The following SEPHS1 variants were observed in gnomAD, a reference collection of about 807,000 sequenced individuals.
SEPHS1 encodes zincore component SEPHS1.
Under a neutral mutation model 39.2 loss-of-function variants are expected in SEPHS1, and 7 were observed. The observed-to-expected ratio is 0.18, with a 90% confidence interval of 0.10 to 0.34. The LOEUF (loss-of-function observed/expected upper bound fraction) is 0.34. Ranked by LOEUF, SEPHS1 falls within the 10% of genes least tolerant of loss-of-function variation. The pLI, the probability that SEPHS1 is intolerant of heterozygous loss-of-function variation, is 1.00. For synonymous variants in SEPHS1, 190 were observed against 195.5 expected, an observed-to-expected ratio of 0.97 and a Z score of 0.23; for missense variants, 253 against 514.5, an observed-to-expected ratio of 0.49 and a Z score of 4.92.
intron 7 of SEPHS1, among the ~76,000 whole-genome samples, chr10:13,327,598 C>T (rs1465474057): frequency 6.6e-6 from 1 of 152,122 alleles, no homozygotes; most frequent in Non-Finnish European, 1.5e-5. Flanking sequence ...TATTAAAAAA[C>T]GCTTTCTAAA....
rs372297316 is a variant in SEPHS1, at chr10:13,336,249, G to T, written c.399C>A (p.Thr133=). 1 of 1,609,854 alleles carries T rather than the reference G, an allele frequency of 6.2e-7. No individual in the cohort carries two copies. The highest frequency in any genetic ancestry group is 1.1e-5 in the South Asian group (1 of 90,944). The part of the protein sequence containing the change: ...LMLLGVSNKM[T]DRERDKVMPL... ...CCGGGTAGCTCCTACTTACCCTGTCGGTCATTTTATTACTGACTCCAAGGA... is the reference window on the plus strand; with the variant it reads ...CCGGGTAGCTCCTACTTACCCTGTCTGTCATTTTATTACTGACTCCAAGGA... The change falls in exon 4 of 9, where the codon ACC becomes ACA. Residue 133 remains threonine (T), a synonymous_variant. Coordinates refer to ENST00000327347, the MANE Select transcript of SEPHS1 (RefSeq NM_012247.5).
chr10:13,346,325 T>C (rs1833920213), intron 1 of SEPHS1, among the ~76,000 whole-genome samples: 1 of 152,216 alleles, frequency 6.6e-6, no homozygotes, highest in Admixed American at 6.6e-5. Flanking sequence ...AAGGTCGGTT[T>C]CCCCTATAAA....
At chr10:13,347,592 G>GA (rs1310029682) in intron 1 of SEPHS1, among the ~76,000 whole-genome samples, 2 of 147,198 alleles carry the variant, frequency 1.4e-5, no homozygotes, top group African/African-American at 4.9e-5. Context: ...GGCCCGCGCG[G>GA]AGAAAAGGGG....
intron 3 of SEPHS1, 188 bp from the exon 4 acceptor site, chr10:13,336,538 C>A (rs1171953277): frequency 5.0e-6 from 3 of 604,528 alleles, no homozygotes; most frequent in Non-Finnish European, 8.9e-6. Flanking sequence ...GTCACTAGGC[C>A]ATTCGTTTTT....
At chr10:13,323,501 C>T (rs1372966621) in intron 7 of SEPHS1, among the ~76,000 whole-genome samples, 6 of 151,838 alleles carry the variant, frequency 4.0e-5, no homozygotes, top group African/African-American at 7.3e-5. Context: ...ACTACAGGTG[C>T]GCACCACCAC....
chr10:13,342,879 G>A (rs1204365707), intron 2 of SEPHS1, among the ~76,000 whole-genome samples: 1 of 152,008 alleles, frequency 6.6e-6, no homozygotes, highest in African/African-American at 2.4e-5. Flanking sequence ...GAAACTACAG[G>A]TGTACACCAG....
chr10:13,335,718 G>A (rs1001549487), intron 4 of SEPHS1, among the ~76,000 whole-genome samples: 6 of 151,462 alleles, frequency 4.0e-5, no homozygotes, highest in African/African-American at 1.2e-4. Flanking sequence ...GGTGTTTCAC[G>A]CCTGCAATCC....
rs372297316 is a variant in SEPHS1 at position 13,336,249 on chromosome 10, G to A, written c.399C>T (p.Thr133=). ...LMLLGVSNKM[T]DRERDKVMPL... ...CCGGGTAGCTCCTACTTACCCTGTC[G>A]GTCATTTTATTACTGACTCCAAGGA... Residue 133 remains threonine, a synonymous_variant, in exon 4 of 9, where the codon ACC becomes ACT. Transcript: ENST00000327347. The A allele has an allele frequency of 3.3e-5, 53 of 1,609,736 alleles. No individual in the cohort carries two copies. The African/African-American group carries it at 4.1e-4, about 13-fold the overall frequency.
rs572185148 is a variant in SEPHS1 at position 13,348,112 on chromosome 10, C to CCGG, written c.-194_-192dup. The CCGG allele has an allele frequency of 9.8e-3, 1,415 of 145,100 alleles. 8 individuals are homozygous for CCGG. Among genetic ancestry groups the CCGG allele is most frequent in the African/African-American group, 0.013 (542 of 40,386 alleles). 9.0% of individuals were successfully genotyped at this position (145,100 alleles called of 1,614,324 possible). A position where few individuals can be genotyped will look rare whatever the true frequency, so the allele number is the denominator to read the frequency against. The stretch of plus-strand genomic sequence containing the variant: ...CGTCGCCTGAATAAAAATGCCGCGC[C>CCGG]CGGCGGCGGCGGCGGCGGCGGGGGC... On this transcript the variant is annotated 5_prime_UTR_variant, in exon 1 of 9. Coordinates refer to ENST00000327347, the MANE Select transcript of SEPHS1 (RefSeq NM_012247.5).
intron 2 of SEPHS1, among the ~76,000 whole-genome samples, chr10:13,339,198 T>C (rs1833721886): frequency 6.6e-6 from 1 of 152,250 alleles, no homozygotes; most frequent in Non-Finnish European, 1.5e-5. Context: ...ATCTTAAGTA[T>C]AGTTATTGTG....
chr10:13,329,451 G>T (rs376648238), intron 6 of SEPHS1, among the ~76,000 whole-genome samples: 9 of 152,220 alleles, frequency 5.9e-5, no homozygotes, highest in African/African-American at 2.2e-4. Flanking sequence ...CTAACCCCCT[G>T]CCGAGCAAAT....
chr10:13,331,103 T>C (rs1833454074), intron 5 of SEPHS1, among the ~76,000 whole-genome samples: 1 of 152,210 alleles, frequency 6.6e-6, no homozygotes, highest in Non-Finnish European at 1.5e-5. Context: ...TCTGTCCTTT[T>C]GATAGTTTGC....
At chr10:13,319,473 T>C in intron 8 of SEPHS1, 117 bp from the exon 9 acceptor site, 3 of 1,023,216 alleles carry the variant, frequency 2.9e-6, no homozygotes, top group South Asian at 1.4e-5. Context: ...TATATGCAAG[T>C]AGCTCTTCCC....
chr10:13,320,627 G>A (rs186841818), intron 8 of SEPHS1, among the ~76,000 whole-genome samples: 1 of 151,790 alleles, frequency 6.6e-6, no homozygotes, highest in East Asian at 2.0e-4. Flanking sequence ...ATCACCTGAG[G>A]TCAGGAGGTA....
Position 13,318,949 on chromosome 10 carries a change from G to A in SEPHS1, c.*193C>T. On this transcript the variant is annotated 3_prime_UTR_variant, in exon 9 of 9. Coordinates refer to ENST00000327347, the MANE Select transcript of SEPHS1 (RefSeq NM_012247.5). The stretch of plus-strand genomic sequence containing the variant: ...CTCAGAAGCTGCCTCAAGATTAGGT[G>A]CATCTTCAGTTAATGTAACAGGAAA... 8.6e-6 allele frequency: 5 copies of A among 581,534 alleles called. No individual in the cohort carries two copies. Among genetic ancestry groups the A allele is most frequent in the East Asian group, 3.0e-5 (1 of 33,232 alleles). The allele number at this position is 581,534 out of a possible 1,614,324, so 36.0% of individuals were successfully genotyped here. A position where few individuals can be genotyped will look rare whatever the true frequency, so the allele number is the denominator to read the frequency against.
intron 8 of SEPHS1, among the ~76,000 whole-genome samples, chr10:13,320,409 C>A (rs1468481455): frequency 6.6e-6 from 1 of 151,808 alleles, no homozygotes; most frequent in Non-Finnish European, 1.5e-5. Context: ...TCTCGATCTC[C>A]TGACCTCGTG....
chr10:13,345,146 A>T, intron 1 of SEPHS1, 118 bp from the exon 2 acceptor site: 1 of 446,450 alleles, frequency 2.2e-6, no homozygotes, highest in Non-Finnish European at 4.0e-6. Context: ...AATCATCAAG[A>T]CCACTTATAT....
chr10:13,326,977 C>T (rs539669584), intron 7 of SEPHS1, among the ~76,000 whole-genome samples: 1 of 152,092 alleles, frequency 6.6e-6, no homozygotes. Context: ...ATGGCTCACG[C>T]CTATAATCCT....
At chr10:13,323,142 G>T in intron 7 of SEPHS1, 95 bp from the exon 8 acceptor site, 1 of 942,022 alleles carries the variant, frequency 1.1e-6, no homozygotes, top group Non-Finnish European at 1.7e-6. Flanking sequence ...TTACTTGTCA[G>T]GGAGATGACG....
Sources: gnomAD v4.1 joint callset for allele counts (sites outside exome capture counted in the v4.1 genomes callset) on GRCh38, gnomAD v4.1.1 for gene constraint, MANE v1.5 for transcripts, NCBI Gene and HGNC (gene_info 2026-07-23, HGNC 2026-07-21) for gene names.